The following LRP6 variants were observed in gnomAD, a reference collection of about 807,000 sequenced individuals.
LRP6 encodes the protein low-density lipoprotein receptor-related protein 6.
A neutral mutation model predicts 184.1 loss-of-function variants in LRP6; 43 were observed. The observed-to-expected ratio is 0.23, with a 90% confidence interval of 0.18 to 0.30. The LOEUF is 0.30. LRP6 is among the 10% of genes least tolerant of loss of function. The probability of loss-of-function intolerance (pLI) is 1.00; values close to 1 mark genes in which losing one functional copy is unlikely to be tolerated. For synonymous variants in LRP6, 719 were observed against 684.9 expected, an observed-to-expected ratio of 1.05 and a Z score of -0.78; for missense variants, 1,571 against 2,005.3, an observed-to-expected ratio of 0.78 and a Z score of 4.14.
chr12:12,253,926 T>C (rs1865393619), intron 1 of LRP6, among the ~76,000 whole-genome samples: 1 of 151,874 alleles, frequency 6.6e-6, no homozygotes, highest in South Asian at 2.1e-4. Context: ...GGCATATCAC[T>C]GGAGCCCAAG....
rs1949577593 is a variant in LRP6 at position 12,119,995 on chromosome 12, A to ATT, written c.*1130_*1131insAA. On this transcript the variant is annotated 3_prime_UTR_variant, in exon 23 of 23. Coordinates refer to ENST00000261349, the MANE Select transcript of LRP6 (RefSeq NM_002336.3). ...GAAAACAAACAAACAAACAAAATATATATATATATATATATATATATATAT... is the reference window on the plus strand; with the variant it reads ...GAAAACAAACAAACAAACAAAATATATTTATATATATATATATATATATATAT... The ATT allele has an allele frequency of 1.2e-4, 2 of 17,218 alleles. No individual in the cohort carries two copies. Among genetic ancestry groups the ATT allele is most frequent in the African/African-American group, 4.0e-4 (2 of 4,978 alleles). 1.1% of individuals were successfully genotyped at this position (17,218 alleles called of 1,614,324 possible).
chr12:12,137,013 A>C (rs1433166220), intron 16 of LRP6, among the ~76,000 whole-genome samples: 2 of 152,210 alleles, frequency 1.3e-5, no homozygotes, highest in African/African-American at 4.8e-5. Flanking sequence ...GTTCAGCCTG[A>C]GCTACAAGTC....
At chr12:12,154,801 A>T (rs1419615088) in intron 12 of LRP6, among the ~76,000 whole-genome samples, 1 of 152,232 alleles carries the variant, frequency 6.6e-6, no homozygotes, top group African/African-American at 2.4e-5. Flanking sequence ...CGAGGAAAGG[A>T]AAAGAAAAAT....
intron 2 of LRP6, among the ~76,000 whole-genome samples, chr12:12,230,618 CA>C (rs1864759182): frequency 6.6e-6 from 1 of 151,838 alleles, no homozygotes; most frequent in South Asian, 2.1e-4. Context: ...TACATATTAG[CA>C]AGTATGAATA....
intron 1 of LRP6, chr12:12,249,301 A>AT: frequency 8.8e-7 from 1 of 1,134,074 alleles, no homozygotes; most frequent in Non-Finnish European, 1.3e-6. Flanking sequence ...CCCAAGAGCC[A>AT]TATCAGTGCT....
chr12:12,238,568 G>A (rs1460403041), intron 2 of LRP6, among the ~76,000 whole-genome samples: 1 of 152,046 alleles, frequency 6.6e-6, no homozygotes, highest in Non-Finnish European at 1.5e-5. Context: ...AAATTACAAT[G>A]CAATACAGAC....
At position 12,125,118 on chromosome 12, in the gene LRP6, A is replaced by G. The variant is rs76746998; in HGVS notation, c.4449+178T>C. ...CAAGTATTCTGGTTACTACACAGTA[A>G]CTTAAAAGATTTATAAGCATGGATG... is the stretch of plus-strand genomic sequence containing the variant. On this transcript the variant is annotated intron_variant, in intron 21 of 22. Transcript: ENST00000261349. Among the ~76,000 whole-genome samples, 4,607 of 152,278 alleles carry G rather than the reference A, an allele frequency of 0.03. 224 individuals carry two copies. Among genetic ancestry groups the G allele is most frequent in the African/African-American group, 0.11 (4,397 of 41,534 alleles).
At chr12:12,145,628 T>TC (rs11398350) in intron 15 of LRP6, among the ~76,000 whole-genome samples, 51,779 of 119,604 alleles carry the variant, frequency 0.43, 11,921 homozygotes, top group East Asian at 0.73. Context: ...CTTTTTCTTT[T>TC]TTTTTTTTTT....
At chr12:12,136,553 TTGGAATTTTC>T (rs2136880066) in intron 16 of LRP6, among the ~76,000 whole-genome samples, 1 of 152,364 alleles carries the variant, frequency 6.6e-6, no homozygotes, top group East Asian at 1.9e-4. Flanking sequence ...GAATCATTGT[TTGGAATTTTC>T]TGTTTAGCCT....
At chr12:12,196,203 ATT>A (rs138570486) in intron 3 of LRP6, among the ~76,000 whole-genome samples, 3 of 142,058 alleles carry the variant, frequency 2.1e-5, no homozygotes, top group Non-Finnish European at 4.6e-5. Context: ...AAATTTTAGG[ATT>A]TTTTTTTTTT....
At chr12:12,183,351 G>A (rs1286976079) in intron 5 of LRP6, among the ~76,000 whole-genome samples, 1 of 152,160 alleles carries the variant, frequency 6.6e-6, no homozygotes, top group Non-Finnish European at 1.5e-5. Flanking sequence ...AGAAGAACTG[G>A]TGTTCTTCCA....
intron 12 of LRP6, among the ~76,000 whole-genome samples, chr12:12,158,616 A>G (rs765200744): frequency 6.4e-4 from 98 of 152,276 alleles, no homozygotes; most frequent in Non-Finnish European, 1.2e-3. Flanking sequence ...AAGACAATGG[A>G]CCAGCATAAG....
intron 3 of LRP6, among the ~76,000 whole-genome samples, chr12:12,197,832 C>T (rs184396460): frequency 2.1e-3 from 321 of 152,258 alleles, no homozygotes; most frequent in Middle Eastern, 3.4e-3. Flanking sequence ...TCACTTGAGT[C>T]CAAGAGTTCA....
chr12:12,124,571 G>C lies in LRP6; in HGVS notation c.4541C>G (p.Ser1514Ter). 6.2e-7 allele frequency: 1 copy of C among 1,602,162 alleles called. No individual in the cohort carries two copies. The highest frequency in any genetic ancestry group is 8.6e-7 in the Non-Finnish European group (1 of 1,169,180). The change falls in exon 22 of 23, where the codon TCA becomes TGA. Residue 1514 changes from serine (S) to a stop codon, truncating the protein, a stop_gained. Transcript: ENST00000261349. LOFTEE classifies it high-confidence loss of function. Reference protein sequence around the residue: ...YSSNSPSTHRSYSYRPYSYRH... With the variant: ...YSSNSPSTHR ...AGAGAAGGATGTGTATTACCTGTAT[G>C]ACCTATGAGTGGAAGGACTGTTTGA... is the stretch of plus-strand genomic sequence containing the variant.
intron 3 of LRP6, among the ~76,000 whole-genome samples, chr12:12,200,092 T>C (rs1863876384): frequency 6.6e-6 from 1 of 150,928 alleles, no homozygotes; most frequent in African/African-American, 2.4e-5. Context: ...CATGAGTGCA[T>C]GAGGGTGATC....
At chr12:12,222,825 C>A (rs1864526603) in intron 2 of LRP6, among the ~76,000 whole-genome samples, 1 of 152,102 alleles carries the variant, frequency 6.6e-6, no homozygotes, top group East Asian at 1.9e-4. Context: ...GTCTTTATAA[C>A]ATCAGAAAAT....
At position 12,130,763 on chromosome 12, in the gene LRP6, T is replaced by C; in HGVS notation, c.4081+20A>G. ...TAAATTCTCTGTTAAGAGTAATTTATAGATCTCAGTCCTACTTACAACAAT... is the reference window on the plus strand; with the variant it reads ...TAAATTCTCTGTTAAGAGTAATTTACAGATCTCAGTCCTACTTACAACAAT... On this transcript the variant is annotated intron_variant, in intron 19 of 22. Coordinates refer to ENST00000261349, the MANE Select transcript of LRP6 (RefSeq NM_002336.3). 1 of 1,448,578 alleles carries C rather than the reference T, an allele frequency of 6.9e-7. No individual in the cohort carries two copies. The highest frequency in any genetic ancestry group is 9.7e-7 in the Non-Finnish European group (1 of 1,028,984). The allele number at this position is 1,448,578 out of a possible 1,614,324, so 89.7% of individuals were successfully genotyped here.
intron 3 of LRP6, among the ~76,000 whole-genome samples, chr12:12,200,933 A>G (rs951867438): frequency 6.6e-6 from 1 of 152,142 alleles, no homozygotes; most frequent in Non-Finnish European, 1.5e-5. Flanking sequence ...GCTTTTATTT[A>G]TAAGAGCTTT....
intron 2 of LRP6, among the ~76,000 whole-genome samples, chr12:12,242,272 C>T (rs1865086496): frequency 6.6e-6 from 1 of 152,160 alleles, no homozygotes; most frequent in Non-Finnish European, 1.5e-5. Context: ...AAAGTTGTCT[C>T]TCCCAAGTTT....
Sources: gnomAD v4.1 joint callset for allele counts (sites outside exome capture counted in the v4.1 genomes callset) on GRCh38, gnomAD v4.1.1 for gene constraint, MANE v1.5 for transcripts, NCBI Gene and HGNC (gene_info 2026-07-23, HGNC 2026-07-21) for gene names.